The following PTPRN2 variants were observed in gnomAD, a reference collection of about 807,000 sequenced individuals.
The protein encoded by PTPRN2 is receptor-type tyrosine-protein phosphatase N2.
In PTPRN2, 74 loss-of-function variants were observed where a neutral mutation model predicts 118.8. That is an observed-to-expected ratio of 0.62 (90% CI 0.52 to 0.76). The LOEUF is 0.76. Among genes scored for constraint, PTPRN2 ranks in the 30% least tolerant of loss-of-function variants. PTPRN2 has a pLI of 0.00. For synonymous variants in PTPRN2, 641 were observed against 608.0 expected (o/e 1.05, Z -0.80); for missense variants, 1,481 against 1,394.4 (o/e 1.06, Z -0.99).
At chr7:157,645,530 G>A (rs554111621) in intron 14 of PTPRN2, among the ~76,000 whole-genome samples, 45 of 152,218 alleles carry the variant, frequency 3.0e-4, no homozygotes, top group Non-Finnish European at 4.0e-4. Context: ...CACATGGTCC[G>A]TGTAGTCTGG....
At chr7:158,146,098 G>A (rs981541108) in intron 6 of PTPRN2, among the ~76,000 whole-genome samples, 1 of 152,034 alleles carries the variant, frequency 6.6e-6, no homozygotes, top group African/African-American at 2.4e-5. Context: ...ACAAATACTT[G>A]GTTCTCCATG....
At chr7:158,383,796 G>C (rs1453096) in intron 2 of PTPRN2, among the ~76,000 whole-genome samples, 1 of 152,086 alleles carries the variant, frequency 6.6e-6, no homozygotes. Context: ...ATATGTCTCA[G>C]AGAGGCACAC....
rs374588316 is a variant in PTPRN2 at position 158,281,436 on chromosome 7, T to C, written c.277+35383A>G. 1.6e-4 allele frequency among the ~76,000 whole-genome samples: 24 copies of C among 152,268 alleles called. No homozygotes were observed. In the South Asian group the frequency reaches 5.0e-3, roughly 32 times the overall value. On this transcript the variant is annotated intron_variant, in intron 3 of 22. Coordinates refer to ENST00000389418, the MANE Select transcript of PTPRN2 (RefSeq NM_002847.5). The stretch of plus-strand genomic sequence containing the variant: ...GCTTTGTGTGTTTTCATCAAGAACA[T>C]AGTCACCAAAATCCAAGCGGATGGG...
chr7:158,143,767 G>A (rs948594122), intron 6 of PTPRN2, among the ~76,000 whole-genome samples: 18 of 152,144 alleles, frequency 1.2e-4, no homozygotes, highest in African/African-American at 4.3e-4. Flanking sequence ...TCCAAGTGTG[G>A]TAGAACAATT....
At chr7:158,108,416 T>C (rs1311199562) in intron 10 of PTPRN2, among the ~76,000 whole-genome samples, 1 of 152,168 alleles carries the variant, frequency 6.6e-6, no homozygotes, top group African/African-American at 2.4e-5. Flanking sequence ...CTCTACATAC[T>C]GGGTCCCTAA....
chr7:158,219,396 T>G (rs1828183183), intron 3 of PTPRN2, among the ~76,000 whole-genome samples: 1 of 152,068 alleles, frequency 6.6e-6, no homozygotes, highest in East Asian at 1.9e-4. Flanking sequence ...CATACCAGAA[T>G]ATTTGGGACA....
At chr7:157,797,609 C>T (rs1804954235) in intron 12 of PTPRN2, among the ~76,000 whole-genome samples, 1 of 152,196 alleles carries the variant, frequency 6.6e-6, no homozygotes, top group African/African-American at 2.4e-5. Context: ...CCTGGGTGTG[C>T]TGTGGGACGT....
chr7:158,319,206 G>A (rs1021947154), intron 2 of PTPRN2, among the ~76,000 whole-genome samples: 14 of 152,170 alleles, frequency 9.2e-5, no homozygotes, highest in African/African-American at 3.4e-4. Flanking sequence ...CTACTTGACA[G>A]TTGAAATAAA....
chr7:158,249,075 CCA>C (rs747151809), intron 3 of PTPRN2, among the ~76,000 whole-genome samples: 53 of 149,922 alleles, frequency 3.5e-4, no homozygotes, highest in Middle Eastern at 6.8e-3. Context: ...CACACATACA[CCA>C]CACACACCAC....
chr7:158,105,483 C>T (rs1815611785), intron 10 of PTPRN2, among the ~76,000 whole-genome samples: 1 of 151,934 alleles, frequency 6.6e-6, no homozygotes, highest in African/African-American at 2.4e-5. Context: ...ATCCCAGCTC[C>T]ATCCCATCTC....
At chr7:158,568,409 G>A (rs1224171320) in intron 1 of PTPRN2, among the ~76,000 whole-genome samples, 1 of 152,048 alleles carries the variant, frequency 6.6e-6, no homozygotes, top group East Asian at 1.9e-4. Flanking sequence ...CACTCCCAGA[G>A]GCGGTAGGAA....
rs1802285366 is a variant in PTPRN2 at position 157,610,812 on chromosome 7, T to G, written c.2345-6737A>C. ...GTCCTCTTCCTCCCACACGCTCCTG[T>G]CCTTAGTCAGCAGGCAGACATTCTG... On this transcript the variant is annotated intron_variant, in intron 15 of 22. Coordinates refer to ENST00000389418, the MANE Select transcript of PTPRN2 (RefSeq NM_002847.5). The surrounding 1 kb of genome is among the most constrained non-coding windows in gnomAD (Gnocchi z 5.1). Among the ~76,000 whole-genome samples, 1 of 152,206 alleles carries G rather than the reference T, an allele frequency of 6.6e-6. No individual in the cohort carries two copies. The highest frequency in any genetic ancestry group is 6.5e-5 in the Admixed American group (1 of 15,284).
At chr7:157,853,213 T>C (rs1002892134) in intron 12 of PTPRN2, among the ~76,000 whole-genome samples, 4 of 152,040 alleles carry the variant, frequency 2.6e-5, no homozygotes, top group Non-Finnish European at 4.4e-5. Flanking sequence ...AGTCATGTAG[T>C]CATGAGGGGC....
chr7:157,657,490 AT>A lies in PTPRN2; in HGVS notation c.2002-940del, dbSNP rs1795601095. On this transcript the variant is annotated intron_variant, in intron 13 of 22. Transcript: ENST00000389418. ...CACATACACCACACACACCACACAC[AT>A]CACATATACACACACATACACCACA... 1.0e-4 allele frequency among the ~76,000 whole-genome samples: 2 copies of A among 19,740 alleles called. 1 individual carries two copies. The highest frequency in any genetic ancestry group is 2.3e-3 in the East Asian group (2 of 884). 13.0% of individuals were successfully genotyped at this position (19,740 alleles called of 152,430 possible). A position where few individuals can be genotyped will look rare whatever the true frequency, so the allele number is the denominator to read the frequency against.
At chr7:157,576,062 A>C (rs187779867) in intron 19 of PTPRN2, among the ~76,000 whole-genome samples, 12 of 152,256 alleles carry the variant, frequency 7.9e-5, no homozygotes, top group African/African-American at 2.9e-4. Flanking sequence ...CAGTAAATAC[A>C]CTCTCAAACC....
intron 2 of PTPRN2, among the ~76,000 whole-genome samples, chr7:158,340,278 C>G: frequency 1.0e-5 from 1 of 96,162 alleles, no homozygotes. Context: ...ACAGACATCA[C>G]TCACACCCAC....
In PTPRN2 at chr7:157,604,047, C is replaced by T. The variant is rs267601435; in HGVS notation, c.2373G>A (p.Ala791=). Residue 791 remains alanine, a synonymous_variant, in exon 16 of 23, where the codon GCG becomes GCA. Coordinates refer to ENST00000389418, the MANE Select transcript of PTPRN2 (RefSeq NM_002847.5). ...AGTCTGAGTGGCTGTGGCTGTTCTC[C>T]GCCTTCAGCAGGACCCGGGAGTGGT... ...TYDHSRVLLK[A]ENSHSHSDYI... The T allele has an allele frequency of 1.5e-5, 25 of 1,613,728 alleles. 1 individual carries two copies. Among genetic ancestry groups the T allele is most frequent in the Middle Eastern group, 1.6e-4 (1 of 6,084 alleles).
chr7:157,643,701 C>A (rs1804847561), intron 14 of PTPRN2, among the ~76,000 whole-genome samples: 1 of 152,264 alleles, frequency 6.6e-6, no homozygotes, highest in Non-Finnish European at 1.5e-5. Context: ...GGACCCCCTG[C>A]AGACACCCGC....
chr7:157,678,460 C>T (rs780467970), intron 13 of PTPRN2, among the ~76,000 whole-genome samples: 3 of 152,178 alleles, frequency 2.0e-5, no homozygotes, highest in Non-Finnish European at 4.4e-5. Flanking sequence ...TGAACCAAGG[C>T]GTGACCTGTG....
Sources: allele counts gnomAD v4.1 joint callset (sites outside exome capture counted in the v4.1 genomes callset), GRCh38; gene constraint gnomAD v4.1.1; non-coding constraint Gnocchi (gnomAD v3.1); transcripts MANE v1.5; gene names NCBI Gene and HGNC (gene_info 2026-07-23, HGNC 2026-07-21).